The following NDUFAF2 variants were observed in gnomAD, a reference collection of about 807,000 sequenced individuals.
NDUFAF2 encodes NADH:ubiquinone oxidoreductase complex assembly factor 2.
In NDUFAF2, 13 loss-of-function variants were observed where a neutral mutation model predicts 22.8. The ratio of observed to expected loss-of-function variants is 0.57; its 90% CI spans 0.37 to 0.91. The LOEUF (loss-of-function observed/expected upper bound fraction) is 0.91. NDUFAF2 is among the 40% of genes least tolerant of loss of function. The pLI, the probability that NDUFAF2 is intolerant of heterozygous loss-of-function variation, is 0.01. For synonymous variants in NDUFAF2, 53 were observed against 64.2 expected (o/e 0.83, Z 0.84); for missense variants, 162 against 195.2 (o/e 0.83, Z 1.01).
intron 3 of NDUFAF2, among the ~76,000 whole-genome samples, chr5:61,152,336 A>G (rs1650884780): frequency 1.3e-5 from 2 of 151,864 alleles, no homozygotes; most frequent in African/African-American, 4.8e-5. Context: ...TCACCAGTGG[A>G]AAAGTACAGT....
chr5:61,125,397 G>T (rs1010988615), intron 3 of NDUFAF2, among the ~76,000 whole-genome samples: 1 of 151,972 alleles, frequency 6.6e-6, no homozygotes, highest in African/African-American at 2.4e-5. Context: ...GAATACAGTG[G>T]CAGGCTCTGG....
Position 61,072,790 on chromosome 5 carries a change from T to A in NDUFAF2, c.128-335T>A, listed in dbSNP as rs1022777820. 6.6e-5 allele frequency among the ~76,000 whole-genome samples: 10 copies of A among 152,166 alleles called. No individual in the cohort carries two copies. The East Asian group carries it at 1.9e-3, about 29-fold the overall frequency. On this transcript the variant is annotated intron_variant, in intron 1 of 3. Coordinates refer to ENST00000296597, the MANE Select transcript of NDUFAF2 (RefSeq NM_174889.5). ...CTAATTTTTTGTATTTTAGTAGAGA[T>A]GGGGTTTCACCATGTTGCCCAGGTT...
intron 1 of NDUFAF2, among the ~76,000 whole-genome samples, chr5:60,954,833 A>G (rs533721509): frequency 2.2e-4 from 33 of 151,798 alleles, no homozygotes; most frequent in Admixed American, 1.6e-3. Context: ...CTTGTTGGCT[A>G]GTGATATTGA....
chr5:61,017,366 G>C, intron 1 of NDUFAF2, among the ~76,000 whole-genome samples: 1 of 142,870 alleles, frequency 7.0e-6, no homozygotes, highest in South Asian at 2.3e-4. Context: ...ATAGATTATT[G>C]ATTCGGGTTT....
At chr5:61,059,771 T>G (rs1488596101) in intron 1 of NDUFAF2, among the ~76,000 whole-genome samples, 2 of 152,104 alleles carry the variant, frequency 1.3e-5, no homozygotes, top group African/African-American at 2.4e-5. Flanking sequence ...CTGTAAGACT[T>G]CTATAATTGC....
intron 1 of NDUFAF2, among the ~76,000 whole-genome samples, chr5:61,032,155 A>T (rs1751735843): frequency 6.6e-6 from 1 of 151,832 alleles, no homozygotes; most frequent in South Asian, 2.1e-4. Flanking sequence ...GATTGGAAAA[A>T]TTTTCTCCCA....
At chr5:61,057,940 TAATA>T (rs765353926) in intron 1 of NDUFAF2, among the ~76,000 whole-genome samples, 2 of 152,306 alleles carry the variant, frequency 1.3e-5, no homozygotes, top group South Asian at 4.1e-4. Context: ...TTTCATGGAT[TAATA>T]AATATAATTT....
chr5:61,006,109 A>G (rs1404158123), intron 1 of NDUFAF2, among the ~76,000 whole-genome samples: 1 of 152,044 alleles, frequency 6.6e-6, no homozygotes, highest in Non-Finnish European at 1.5e-5. Context: ...ATCTTGAATT[A>G]ATTTTTGTAT....
At chr5:61,011,349 G>T (rs2112597803) in intron 1 of NDUFAF2, among the ~76,000 whole-genome samples, 1 of 152,168 alleles carries the variant, frequency 6.6e-6, no homozygotes, top group East Asian at 1.9e-4. Flanking sequence ...AGAAGTGTCT[G>T]CCCCACTTTT....
chr5:61,028,992 A>T (rs566165756), intron 1 of NDUFAF2, among the ~76,000 whole-genome samples: 6 of 152,206 alleles, frequency 3.9e-5, no homozygotes, highest in African/African-American at 1.4e-4. Flanking sequence ...TTGCCGTCTT[A>T]TGGAACTCTG....
At chr5:61,046,204 A>G (rs1241789784) in intron 1 of NDUFAF2, among the ~76,000 whole-genome samples, 3 of 152,014 alleles carry the variant, frequency 2.0e-5, no homozygotes, top group Non-Finnish European at 4.4e-5. Flanking sequence ...TATGATGCTG[A>G]ATTTGGTTTA....
chr5:61,017,212 C>T (rs1751523293), intron 1 of NDUFAF2, among the ~76,000 whole-genome samples: 1 of 152,106 alleles, frequency 6.6e-6, no homozygotes, highest in Non-Finnish European at 1.5e-5. Flanking sequence ...TGGAATAAGA[C>T]AAATTCATAC....
chr5:61,117,297 G>A (rs192268261), intron 3 of NDUFAF2, among the ~76,000 whole-genome samples: 3 of 152,258 alleles, frequency 2.0e-5, no homozygotes, highest in African/African-American at 7.2e-5. Flanking sequence ...CTTTTGAGAA[G>A]AGGCAACTAT....
intron 1 of NDUFAF2, among the ~76,000 whole-genome samples, chr5:60,954,826 G>T (rs1383048874): frequency 6.6e-6 from 1 of 150,628 alleles, no homozygotes; most frequent in African/African-American, 2.4e-5. Flanking sequence ...TGATTTCCTT[G>T]TTGGCTAGTG....
At chr5:61,113,311 C>A (rs1002534288) in intron 3 of NDUFAF2, among the ~76,000 whole-genome samples, 1 of 152,194 alleles carries the variant, frequency 6.6e-6, no homozygotes, top group Non-Finnish European at 1.5e-5. Context: ...GATTGAAGAA[C>A]TCCCTTTTAC....
At chr5:60,978,896 A>C (rs1200540417) in intron 1 of NDUFAF2, among the ~76,000 whole-genome samples, 1 of 152,108 alleles carries the variant, frequency 6.6e-6, no homozygotes, top group East Asian at 1.9e-4. Flanking sequence ...ATTCTAAGAA[A>C]ACCTCTTTCT....
At chr5:61,022,203 C>T (rs1751592084) in intron 1 of NDUFAF2, among the ~76,000 whole-genome samples, 1 of 152,184 alleles carries the variant, frequency 6.6e-6, no homozygotes, top group African/African-American at 2.4e-5. Context: ...AACTATTACT[C>T]TTTCCAAGTT....
intron 3 of NDUFAF2, among the ~76,000 whole-genome samples, chr5:61,138,605 A>G (rs575282133): frequency 2.0e-4 from 31 of 152,246 alleles, no homozygotes; most frequent in Non-Finnish European, 3.5e-4. Context: ...GCTCCTCTCT[A>G]TGTTCATGAA....
At chr5:61,090,855 A>G (rs921059266) in intron 2 of NDUFAF2, among the ~76,000 whole-genome samples, 2 of 151,910 alleles carry the variant, frequency 1.3e-5, no homozygotes, top group African/African-American at 2.4e-5. Flanking sequence ...CCACCCTCCA[A>G]TAGGCTTCAG....
Sources: gnomAD v4.1 joint callset for allele counts (sites outside exome capture counted in the v4.1 genomes callset) on GRCh38, gnomAD v4.1.1 for gene constraint, MANE v1.5 for transcripts, NCBI Gene and HGNC (gene_info 2026-07-23, HGNC 2026-07-21) for gene names.